Variants in USP34 observed in about 807,000 individuals in gnomAD.
The protein encoded by USP34 is ubiquitin specific peptidase 34, also known as ubiquitin carboxyl-terminal hydrolase 34.
USP34 carries 70 observed loss-of-function variants against 460.3 expected under a neutral mutation model. The observed-to-expected ratio is 0.15, with a 90% CI of 0.13 to 0.19. USP34 has a LOEUF of 0.19. Among genes scored for constraint, USP34 ranks in the 10% least tolerant of loss-of-function variants. The probability of loss-of-function intolerance (pLI) is 1.00; values close to 1 mark genes in which losing one functional copy is unlikely to be tolerated. For synonymous variants in USP34, 1,647 were observed against 1,405.3 expected, an observed-to-expected ratio of 1.17 and a Z score of -3.85; for missense variants, 3,985 against 4,236.2, an observed-to-expected ratio of 0.94 and a Z score of 1.65.
intron 18 of USP34, 52 bp downstream of exon 18, chr2:61,339,299 C>A: frequency 6.4e-7 from 1 of 1,561,918 alleles, no homozygotes; most frequent in South Asian, 1.2e-5. Context: ...AATGTCCCCC[C>A]ACACCCAAAT....
chr2:61,258,430 G>C (rs1246886526), intron 44 of USP34, among the ~76,000 whole-genome samples: 1 of 152,178 alleles, frequency 6.6e-6, no homozygotes, highest in Non-Finnish European at 1.5e-5. Context: ...AAACAACAAA[G>C]AGGCATGGTG....
intron 1 of USP34, among the ~76,000 whole-genome samples, chr2:61,422,820 G>GAA (rs1161915042): frequency 6.6e-6 from 1 of 152,108 alleles, no homozygotes; most frequent in Non-Finnish European, 1.5e-5. Context: ...GCAGCATAGT[G>GAA]AAACCCCATC....
chr2:61,320,310 A>T (rs949805600), intron 21 of USP34, among the ~76,000 whole-genome samples: 3 of 152,222 alleles, frequency 2.0e-5, no homozygotes, highest in Admixed American at 2.0e-4. Flanking sequence ...CCAGGAAGCC[A>T]TTCCATTGCA....
At chr2:61,353,130 C>CA (rs1691994034) in intron 10 of USP34, among the ~76,000 whole-genome samples, 1 of 152,196 alleles carries the variant, frequency 6.6e-6, no homozygotes, top group African/African-American at 2.4e-5. Flanking sequence ...GTTTCTGGTA[C>CA]AGCTTCTGGA....
intron 51 of USP34, among the ~76,000 whole-genome samples, chr2:61,243,199 T>C (rs1204948615): frequency 6.6e-6 from 1 of 150,434 alleles, no homozygotes; most frequent in Non-Finnish European, 1.5e-5. Flanking sequence ...CAGGCTGGAG[T>C]GCAATGGCGC....
At chr2:61,344,598 A>G (rs1419702126) in intron 15 of USP34, among the ~76,000 whole-genome samples, 1 of 152,222 alleles carries the variant, frequency 6.6e-6, no homozygotes, top group Non-Finnish European at 1.5e-5. Flanking sequence ...TACACAGAAT[A>G]TGAAAAGAGC....
chr2:61,336,776 C>T (rs565873363), intron 18 of USP34, among the ~76,000 whole-genome samples: 2 of 142,686 alleles, frequency 1.4e-5, no homozygotes, highest in African/African-American at 5.3e-5. Flanking sequence ...TGTCACTGCA[C>T]TCCAGCCTGA....
At chr2:61,415,825 T>C (rs552151313) in intron 2 of USP34, among the ~76,000 whole-genome samples, 191 of 152,338 alleles carry the variant, frequency 1.3e-3, no homozygotes, top group Non-Finnish European at 2.2e-3. Flanking sequence ...CAAAATTATC[T>C]AAGTAGAATT....
At chr2:61,454,695 G>A (rs1695380555) in intron 1 of USP34, among the ~76,000 whole-genome samples, 3 of 150,850 alleles carry the variant, frequency 2.0e-5, no homozygotes, top group South Asian at 2.1e-4. Flanking sequence ...GATTACAGGG[G>A]CCCACCACCA....
intron 5 of USP34, among the ~76,000 whole-genome samples, chr2:61,389,665 A>AAC (rs1385434808): frequency 6.6e-6 from 1 of 152,158 alleles, no homozygotes; most frequent in African/African-American, 2.4e-5. Flanking sequence ...AGCATTCTTT[A>AAC]ACACTACTAT....
At chr2:61,420,718 AGTCTTCG>A in intron 2 of USP34, 21 bp downstream of exon 2, 2 of 1,530,098 alleles carry the variant, frequency 1.3e-6, no homozygotes, top group African/African-American at 1.4e-5. Flanking sequence ...CACAAAAATT[AGTCTTCG>A]AAATACCTAA....
At position 61,357,404 on chromosome 2, in the gene USP34, T is replaced by C. The variant is rs899655483; in HGVS notation, c.1252-6711A>G. 5.9e-5 allele frequency among the ~76,000 whole-genome samples: 9 copies of C among 152,062 alleles called. No individual in the cohort carries two copies. In the East Asian group the frequency reaches 1.2e-3, roughly 20 times the overall value. On this transcript the variant is annotated intron_variant, in intron 10 of 79. Transcript: ENST00000398571. ...AGATAAAATACAACAAAAAATAGAA[T>C]GCAGAAAGAACAATGTTCAGAGGAA...
intron 7 of USP34, among the ~76,000 whole-genome samples, chr2:61,378,913 G>GAAAAAAAAAAAAAAAAAAAAAA (rs34463913): frequency 1.7e-5 from 1 of 57,870 alleles, no homozygotes; most frequent in Non-Finnish European, 2.8e-5. Context: ...TCAAAAAAAC[G>GAAAAAAAAAAAAAAAAAAAAAA]AAAAAAAAAA....
In USP34 at chr2:61,205,797, G is replaced by C. The variant is rs565265111; in HGVS notation, c.9154+220C>G. 3.3e-5 allele frequency among the ~76,000 whole-genome samples: 5 copies of C among 152,336 alleles called. No homozygotes were observed. The South Asian group carries it at 8.3e-4, about 25-fold the overall frequency. ...GCTAGAGATGAACTAAGGTCGGGGA[G>C]ACTGTATATATTAAGTAATCTGCCC... On this transcript the variant is annotated intron_variant, in intron 72 of 79. Transcript: ENST00000398571.
At position 61,296,900 on chromosome 2, in the gene USP34, A is replaced by C. The variant is rs1166250140; in HGVS notation, c.4154T>G (p.Leu1385Arg). 6.2e-7 allele frequency: 1 copy of C among 1,613,638 alleles called. No homozygotes were observed. Among genetic ancestry groups the C allele is most frequent in the Admixed American group, 1.7e-5 (1 of 59,966 alleles). Residue 1385 changes from leucine to arginine, a missense_variant, in exon 30 of 80, where the codon CTT becomes CGT. Physicochemically the swap from Leu to Arg is moderately radical, Grantham distance 102. This residue lies in a region of USP34 where 1,114 missense variants were observed against 1,122.5 expected (regional missense o/e 0.99). Coordinates refer to ENST00000398571, the MANE Select transcript of USP34 (RefSeq NM_014709.4). ...CCGCCTAGACAGATTTTCTGCATGA[A>C]GATGAAGTTCTTCACATCGTAAGCT... ...SESLRCEELHLHAENLSRRVW... is the reference protein window; with the variant it reads ...SESLRCEELHRHAENLSRRVW...
chr2:61,381,284 AC>A (rs67918749), intron 6 of USP34, among the ~76,000 whole-genome samples: 2,184 of 152,102 alleles, frequency 0.014, 46 homozygotes, highest in African/African-American at 0.05. Context: ...ACACACACAC[AC>A]AAAACTACCT....
rs775785746 is a variant in USP34, at chr2:61,430,213, A to AT, written c.44-9381_44-9380insA. Among the ~76,000 whole-genome samples, 118 of 136,164 alleles carry AT rather than the reference A, an allele frequency of 8.7e-4. No individual in the cohort carries two copies. In the East Asian group the frequency reaches 9.0e-3, roughly 10 times the overall value. 89.3% of individuals were successfully genotyped at this position (136,164 alleles called of 152,430 possible). A position where few individuals can be genotyped will look rare whatever the true frequency, so the allele number is the denominator to read the frequency against. ...CTGGGCGACAGAGCGAGTCTTCGTC[A>AT]CAAAAAAAAAAAAAAAAGAAAAGAA... is the stretch of plus-strand genomic sequence containing the variant. On this transcript the variant is annotated intron_variant, in intron 1 of 79. Coordinates refer to ENST00000398571, the MANE Select transcript of USP34 (RefSeq NM_014709.4).
In USP34 at chr2:61,236,200, T is replaced by A; in HGVS notation, c.6879A>T (p.Thr2293=). Residue 2293 remains threonine, a synonymous_variant, in exon 55 of 80, where the codon ACA becomes ACT. Transcript: ENST00000398571. ...MWQLCSCIPS[T]LPDPKAVSLM... ...AGGACACAGCTTTAGGATCTGGTAA[T>A]GTACTGGGAATACAACTACACAATT... is the stretch of plus-strand genomic sequence containing the variant. The A allele has an allele frequency of 6.2e-7, 1 of 1,612,304 alleles. No homozygotes were observed. Among genetic ancestry groups the A allele is most frequent in the African/African-American group, 1.3e-5 (1 of 74,956 alleles).
intron 1 of USP34, among the ~76,000 whole-genome samples, chr2:61,445,553 T>G (rs1186236365): frequency 9.3e-5 from 13 of 140,030 alleles, no homozygotes; most frequent in Admixed American, 9.3e-4. Flanking sequence ...AAAAAAAAAA[T>G]TGCTAAGAGA....
Sources: gnomAD v4.1 joint callset for allele counts (sites outside exome capture counted in the v4.1 genomes callset) on GRCh38, gnomAD v4.1.1 for gene constraint, gnomAD v4.1.1 regional missense constraint, MANE v1.5 for transcripts, NCBI Gene and HGNC (gene_info 2026-07-23, HGNC 2026-07-21) for gene names.